The following CAMTA1 variants were observed in gnomAD, a reference collection of about 807,000 sequenced individuals.
CAMTA1 encodes calmodulin binding transcription activator 1.
In CAMTA1, 27 loss-of-function variants were observed where a neutral mutation model predicts 170.9. The ratio of observed to expected loss-of-function variants is 0.16; its 90% CI spans 0.12 to 0.22. CAMTA1 has a LOEUF of 0.22. Ranked by LOEUF, CAMTA1 falls within the 10% of genes least tolerant of loss-of-function variation. The pLI is 1.00. For synonymous variants in CAMTA1, 833 were observed against 891.5 expected (o/e 0.93, Z 1.17); for missense variants, 1,619 against 2,217.2 (o/e 0.73, Z 5.42).
chr1:7,204,619 T>C (rs1374458544), intron 4 of CAMTA1, among the ~76,000 whole-genome samples: 12 of 152,100 alleles, frequency 7.9e-5, no homozygotes, highest in Admixed American at 7.9e-4. Context: ...TTAAGAAGAA[T>C]GTGTATACTA....
Position 7,393,391 on chromosome 1 carries a change from G to C in CAMTA1, c.439-74439G>C, listed in dbSNP as rs577591463. ...AGCAATCCTCTAGTCTCAGCCTTTC[G>C]AGTAGCTGAGACCACAGGCATGCAC... On this transcript the variant is annotated intron_variant, in intron 5 of 22. Transcript: ENST00000303635. 3.3e-5 allele frequency among the ~76,000 whole-genome samples: 5 copies of C among 152,088 alleles called. No homozygotes were observed. In the East Asian group the frequency reaches 9.7e-4, roughly 30 times the overall value.
chr1:7,309,133 C>T (rs1251713865), intron 5 of CAMTA1, among the ~76,000 whole-genome samples: 1 of 152,078 alleles, frequency 6.6e-6, no homozygotes, highest in Admixed American at 6.6e-5. Context: ...TTTTCCACAG[C>T]ATTTGCATGG....
At chr1:7,396,597 A>AT (rs1360957892) in intron 5 of CAMTA1, among the ~76,000 whole-genome samples, 2 of 152,074 alleles carry the variant, frequency 1.3e-5, no homozygotes, top group Non-Finnish European at 2.9e-5. Context: ...AAAGCATTTA[A>AT]TTTTTTCCAG....
chr1:7,314,951 G>T (rs931149543), intron 5 of CAMTA1, among the ~76,000 whole-genome samples: 6 of 152,190 alleles, frequency 3.9e-5, no homozygotes, highest in African/African-American at 1.4e-4. Context: ...GACTGTCTCT[G>T]GCTGAAGGAT....
At chr1:7,042,285 G>T (rs1704583753) in intron 3 of CAMTA1, among the ~76,000 whole-genome samples, 1 of 152,208 alleles carries the variant, frequency 6.6e-6, no homozygotes, top group Non-Finnish European at 1.5e-5. Context: ...TCCCTGGGCT[G>T]CCCTGGCACC....
intron 4 of CAMTA1, among the ~76,000 whole-genome samples, chr1:7,162,214 T>C (rs937176382): frequency 6.6e-6 from 1 of 152,126 alleles, no homozygotes. Context: ...CCATGTATGG[T>C]CTTATAGGTC....
At chr1:6,804,597 C>G (rs988497674) in intron 1 of CAMTA1, among the ~76,000 whole-genome samples, 1 of 152,142 alleles carries the variant, frequency 6.6e-6, no homozygotes, top group Non-Finnish European at 1.5e-5. Flanking sequence ...TAAATAGAAT[C>G]ATGTAGTGTT....
chr1:7,687,037 C>T lies in CAMTA1; in HGVS notation c.2914+9304C>T, dbSNP rs534189096. 2.6e-5 allele frequency among the ~76,000 whole-genome samples: 4 copies of T among 151,998 alleles called. No homozygotes were observed. The South Asian group carries it at 8.3e-4, about 32-fold the overall frequency. On this transcript the variant is annotated intron_variant, in intron 11 of 22. Coordinates refer to ENST00000303635, the MANE Select transcript of CAMTA1 (RefSeq NM_015215.4). ...CATTAGAGATGCGGGGTTCACATTG[C>T]GGTCTGAAAGTCTGGAGGCCAATGA...
At chr1:7,211,458 A>T (rs1293721437) in intron 4 of CAMTA1, among the ~76,000 whole-genome samples, 1 of 152,250 alleles carries the variant, frequency 6.6e-6, no homozygotes, top group Non-Finnish European at 1.5e-5. Flanking sequence ...ACCATAGATT[A>T]GCTTTACCTG....
chr1:7,573,293 C>T (rs1301186738), intron 6 of CAMTA1, among the ~76,000 whole-genome samples: 1 of 152,210 alleles, frequency 6.6e-6, no homozygotes, highest in African/African-American at 2.4e-5. Context: ...GACAAACCCT[C>T]TTGGGCAGTG....
At chr1:7,574,416 G>A (rs867704756) in intron 6 of CAMTA1, among the ~76,000 whole-genome samples, 6 of 152,204 alleles carry the variant, frequency 3.9e-5, no homozygotes, top group Admixed American at 1.3e-4. Flanking sequence ...TGGGGAACAC[G>A]TGGCACCTCG....
intron 6 of CAMTA1, among the ~76,000 whole-genome samples, chr1:7,617,827 C>T (rs971674256): frequency 4.6e-5 from 7 of 152,104 alleles, no homozygotes; most frequent in African/African-American, 9.7e-5. Flanking sequence ...AATGGAGAAT[C>T]GGGGTCCCCA....
intron 6 of CAMTA1, among the ~76,000 whole-genome samples, chr1:7,542,281 T>G (rs2094621906): frequency 6.6e-6 from 1 of 152,108 alleles, no homozygotes; most frequent in African/African-American, 2.4e-5. Flanking sequence ...GTTGTTGTTG[T>G]TTTTTGCTAT....
chr1:7,354,040 A>T (rs912466599), intron 5 of CAMTA1, among the ~76,000 whole-genome samples: 1 of 152,106 alleles, frequency 6.6e-6, no homozygotes, highest in African/African-American at 2.4e-5. Context: ...TAATTTGCTT[A>T]GGATTATGGC....
chr1:6,889,815 TATTTG>T (rs1228809723), intron 3 of CAMTA1, among the ~76,000 whole-genome samples: 5 of 152,226 alleles, frequency 3.3e-5, no homozygotes, highest in African/African-American at 1.2e-4. Context: ...AGTTTTATTT[TATTTG>T]TTTTATATGT....
chr1:6,884,514 A>G (rs568311039), intron 3 of CAMTA1, among the ~76,000 whole-genome samples: 13 of 152,332 alleles, frequency 8.5e-5, no homozygotes, highest in Admixed American at 7.2e-4. Context: ...CTCTCATGAA[A>G]GCCTCCAAGG....
intron 4 of CAMTA1, among the ~76,000 whole-genome samples, chr1:7,206,928 C>T (rs1450123649): frequency 6.6e-6 from 1 of 152,100 alleles, no homozygotes; most frequent in Non-Finnish European, 1.5e-5. Flanking sequence ...GATTGCACAC[C>T]CCACCCCCGG....
At position 7,685,493 on chromosome 1, in the gene CAMTA1, TC is replaced by T. The variant is rs2096250788; in HGVS notation, c.2914+7764del. 6.6e-6 allele frequency among the ~76,000 whole-genome samples: 1 copy of T among 152,146 alleles called. No homozygotes were observed. The highest frequency in any genetic ancestry group is 2.4e-5 in the African/African-American group (1 of 41,430). ...CACTTGAGGACTCCCAGCCCCTGTG[TC>T]CCCATTGATGGCCCCTTCCCCAGGC... On this transcript the variant is annotated intron_variant, in intron 11 of 22. Coordinates refer to ENST00000303635, the MANE Select transcript of CAMTA1 (RefSeq NM_015215.4). The surrounding 1 kb of genome is among the most constrained non-coding windows in gnomAD (Gnocchi z 5.7).
chr1:7,520,982 A>G (rs1211281108), intron 6 of CAMTA1, among the ~76,000 whole-genome samples: 1 of 152,128 alleles, frequency 6.6e-6, no homozygotes, highest in African/African-American at 2.4e-5. Flanking sequence ...AGCACTTGAT[A>G]TTAGTGGTTC....
Sources: allele counts gnomAD v4.1 joint callset (sites outside exome capture counted in the v4.1 genomes callset), GRCh38; gene constraint gnomAD v4.1.1; non-coding constraint Gnocchi (gnomAD v3.1); transcripts MANE v1.5; gene names NCBI Gene and HGNC (gene_info 2026-07-23, HGNC 2026-07-21).